Variants in IFT74 observed in about 807,000 individuals in gnomAD.
IFT74 encodes intraflagellar transport 74, also known as intraflagellar transport protein 74 homolog.
A neutral mutation model predicts 96.7 loss-of-function variants in IFT74; 92 were observed. The observed-to-expected ratio is 0.95, with a 90% CI of 0.80 to 1.13. The LOEUF (loss-of-function observed/expected upper bound fraction) is 1.13. IFT74 is among the 50% of genes most tolerant of loss of function. The probability of loss-of-function intolerance (pLI) is 0.00; values close to 1 mark genes in which losing one functional copy is unlikely to be tolerated. For missense variants in IFT74, 811 were observed against 698.2 expected (o/e 1.16, Z -1.82); for synonymous variants, 223 against 213.2 (o/e 1.05, Z -0.40).
rs913988858 is a variant in IFT74, at chr9:26,950,488, A to C, written c.-20+3342A>C. 3.9e-5 allele frequency among the ~76,000 whole-genome samples: 6 copies of C among 152,304 alleles called. No individual in the cohort carries two copies. The East Asian group carries it at 9.6e-4, about 24-fold the overall frequency. On this transcript the variant is annotated intron_variant, in intron 1 of 19. Coordinates refer to the IFT74 transcript ENST00000433700. Reference sequence around the variant, plus strand: ...GTGGGGGGTCACTTTTCCTTGCCTCAAAGTTTAACTATAAACCAAATTCCT... The same window carrying C: ...GTGGGGGGTCACTTTTCCTTGCCTCCAAGTTTAACTATAAACCAAATTCCT...
chr9:26,999,446 T>G (rs978930718), intron 8 of IFT74, among the ~76,000 whole-genome samples: 3 of 152,200 alleles, frequency 2.0e-5, no homozygotes, highest in Non-Finnish European at 1.5e-5. Flanking sequence ...TTTTTATAAA[T>G]GAAGGCTGCT....
intron 13 of IFT74, among the ~76,000 whole-genome samples, chr9:27,040,125 G>T (rs1439084588): frequency 2.6e-5 from 4 of 152,146 alleles, no homozygotes; most frequent in Admixed American, 2.6e-4. Flanking sequence ...TGGTTATGTA[G>T]ACTATGGAGA....
At chr9:27,044,480 C>T (rs1563998574) in intron 13 of IFT74, among the ~76,000 whole-genome samples, 1 of 152,128 alleles carries the variant, frequency 6.6e-6, no homozygotes, top group Non-Finnish European at 1.5e-5. Flanking sequence ...CCATAGTGTT[C>T]ATGTATAGGT....
intron 13 of IFT74, among the ~76,000 whole-genome samples, chr9:27,043,286 G>C (rs898149164): frequency 6.6e-6 from 1 of 152,202 alleles, no homozygotes; most frequent in African/African-American, 2.4e-5. Flanking sequence ...CATCAGGGTT[G>C]TCGTCAATGA....
chr9:27,027,813 G>T (rs527856016), intron 12 of IFT74, among the ~76,000 whole-genome samples: 8 of 151,988 alleles, frequency 5.3e-5, no homozygotes, highest in Non-Finnish European at 1.0e-4. Flanking sequence ...TTCCAATTTT[G>T]ATTTTGTCCA....
chr9:27,026,660 T>G (rs550367567), intron 12 of IFT74, among the ~76,000 whole-genome samples: 20 of 152,150 alleles, frequency 1.3e-4, no homozygotes, highest in Non-Finnish European at 2.6e-4. Context: ...GGAAATCAAC[T>G]CCAAAAGGAA....
At chr9:27,003,592 TTAGC>T (rs1400667467) in intron 8 of IFT74, among the ~76,000 whole-genome samples, 4 of 152,154 alleles carry the variant, frequency 2.6e-5, no homozygotes, top group African/African-American at 9.7e-5. Context: ...TCTCGCCTCG[TTAGC>T]AATAAGGAAT....
At chr9:26,969,466 T>G (rs975540893) in intron 2 of IFT74, among the ~76,000 whole-genome samples, 3 of 152,060 alleles carry the variant, frequency 2.0e-5, no homozygotes, top group African/African-American at 7.2e-5. Flanking sequence ...GCTTGATACG[T>G]TTCTCATAGT....
chr9:26,960,817 A>G (rs1039683758), intron 1 of IFT74, among the ~76,000 whole-genome samples: 17 of 152,036 alleles, frequency 1.1e-4, no homozygotes, highest in Admixed American at 9.2e-4. Context: ...ATGTCTCGCC[A>G]TGGCTATAAA....
intron 1 of IFT74, among the ~76,000 whole-genome samples, chr9:26,951,381 G>GT (rs952662441): frequency 1.3e-5 from 2 of 152,102 alleles, no homozygotes; most frequent in Non-Finnish European, 2.9e-5. Flanking sequence ...ACAGAATATT[G>GT]TTTAGCATTT....
chr9:27,033,866 A>G (rs1343649488), intron 13 of IFT74, among the ~76,000 whole-genome samples: 1 of 152,174 alleles, frequency 6.6e-6, no homozygotes, highest in Non-Finnish European at 1.5e-5. Flanking sequence ...ATGTTATACA[A>G]CCAAAAGCAG....
chr9:26,984,862 T>C (rs1468004206), intron 6 of IFT74, among the ~76,000 whole-genome samples: 1 of 151,924 alleles, frequency 6.6e-6, no homozygotes, highest in African/African-American at 2.4e-5. Context: ...TTGGTGAGAG[T>C]GTAAATTAGT....
intron 19 of IFT74, among the ~76,000 whole-genome samples, chr9:27,061,636 G>T (rs1182490561): frequency 1.3e-5 from 2 of 148,618 alleles, no homozygotes; most frequent in African/African-American, 5.0e-5. Flanking sequence ...TCATAGTGTT[G>T]GGAGAATTAT....
At chr9:26,995,331 G>A in intron 8 of IFT74, 1 of 506,904 alleles carries the variant, frequency 2.0e-6, no homozygotes, top group South Asian at 2.4e-5. Flanking sequence ...AACTACCGAG[G>A]AGTGTCAGTT....
Position 27,043,583 on chromosome 9 carries a change from T to C in IFT74, c.1055-1159T>C, listed in dbSNP as rs551628215. Among the ~76,000 whole-genome samples, 5 of 152,364 alleles carry C rather than the reference T, an allele frequency of 3.3e-5. No individual in the cohort carries two copies. In the South Asian group the frequency reaches 8.3e-4, roughly 25 times the overall value. ...AAATGGCAGAATTCATTCATTTTTC[T>C]AGGCCTTGGATTTTTGTCTCTTTAG... On this transcript the variant is annotated intron_variant, in intron 13 of 19. Transcript: ENST00000380062.
intron 1 of IFT74, among the ~76,000 whole-genome samples, chr9:26,960,950 G>A (rs1381571402): frequency 6.6e-6 from 1 of 151,786 alleles, no homozygotes; most frequent in Non-Finnish European, 1.5e-5. Context: ...GATTGGAATA[G>A]AGAAGCTGTG....
chr9:26,972,762 G>A (rs942032094), intron 2 of IFT74, among the ~76,000 whole-genome samples: 1 of 152,052 alleles, frequency 6.6e-6, no homozygotes, highest in African/African-American at 2.4e-5. Context: ...CAATCCATTC[G>A]GGCCTTATTC....
At chr9:27,058,833 A>G (rs1473789165) in intron 18 of IFT74, among the ~76,000 whole-genome samples, 6 of 152,272 alleles carry the variant, frequency 3.9e-5, no homozygotes, top group Non-Finnish European at 5.9e-5. Flanking sequence ...ACTAATTTAC[A>G]TAATTCAAAT....
intron 14 of IFT74, among the ~76,000 whole-genome samples, chr9:27,045,913 T>A (rs1385348162): frequency 6.6e-6 from 1 of 152,222 alleles, no homozygotes; most frequent in South Asian, 2.1e-4. Flanking sequence ...CAATGTGTCA[T>A]GACACCACAG....
Sources: gnomAD v4.1 joint callset for allele counts (sites outside exome capture counted in the v4.1 genomes callset) on GRCh38, gnomAD v4.1.1 for gene constraint, MANE v1.5 for transcripts, NCBI Gene and HGNC (gene_info 2026-07-23, HGNC 2026-07-21) for gene names.